ATG10: variants seen among roughly 807,000 people sequenced by gnomAD.
ATG10 encodes autophagy related 10.
Under a neutral mutation model 32.1 loss-of-function variants are expected in ATG10, and 30 were observed. The observed-to-expected ratio is 0.94, with a 90% confidence interval of 0.70 to 1.27. ATG10 has a LOEUF of 1.27. Ranked by LOEUF, ATG10 falls within the 50% of genes most tolerant of loss-of-function variation. ATG10 has a pLI of 0.00. For synonymous variants in ATG10, 87 were observed against 91.5 expected (o/e 0.95, Z 0.28); for missense variants, 233 against 262.3 (o/e 0.89, Z 0.77).
chr5:81,979,019 C>A (rs190822432), intron 1 of ATG10, among the ~76,000 whole-genome samples: 74 of 152,132 alleles, frequency 4.9e-4, no homozygotes, highest in Admixed American at 1.4e-3. Flanking sequence ...CCTGCCTCAG[C>A]CTCTGGAGTA....
At chr5:82,070,097 G>C (rs527194) in intron 3 of ATG10, among the ~76,000 whole-genome samples, 4 of 152,196 alleles carry the variant, frequency 2.6e-5, no homozygotes. Context: ...CCTTAGGATA[G>C]AGATTACATG....
At chr5:81,993,364 T>TTTCTTTCCTTCCTTC (rs374179266) in intron 2 of ATG10, among the ~76,000 whole-genome samples, 1 of 34,144 alleles carries the variant, frequency 2.9e-5, no homozygotes, top group Admixed American at 2.5e-4. Flanking sequence ...TCTTTCCTTC[T>TTTCTTTCCTTCCTTC]TTTCTTTTCT....
intron 5 of ATG10, among the ~76,000 whole-genome samples, chr5:82,214,409 T>C (rs1745598800): frequency 6.6e-6 from 1 of 152,202 alleles, no homozygotes; most frequent in South Asian, 2.1e-4. Flanking sequence ...AGGAATAATT[T>C]AGTAGCAGCA....
At chr5:82,042,636 T>TG (rs1763120284) in intron 2 of ATG10, among the ~76,000 whole-genome samples, 1 of 152,184 alleles carries the variant, frequency 6.6e-6, no homozygotes, top group South Asian at 2.1e-4. Flanking sequence ...TAAGATGCAA[T>TG]GGGTATACAG....
chr5:82,101,265 T>A (rs1161007519), intron 3 of ATG10, among the ~76,000 whole-genome samples: 1 of 152,188 alleles, frequency 6.6e-6, no homozygotes. Flanking sequence ...TATGATTATT[T>A]CCATCCTCAA....
At chr5:82,215,228 C>T (rs1745630775) in intron 5 of ATG10, among the ~76,000 whole-genome samples, 1 of 152,054 alleles carries the variant, frequency 6.6e-6, no homozygotes, top group African/African-American at 2.4e-5. Context: ...GTGGGCTTCT[C>T]CATAGAACGT....
Position 82,217,514 on chromosome 5 carries a change from T to C in ATG10, c.454-35048T>C, listed in dbSNP as rs1437773481. On this transcript the variant is annotated intron_variant, in intron 5 of 7. Coordinates refer to ENST00000282185, the MANE Select transcript of ATG10 (RefSeq NM_031482.5). ...ATATATCCTGTCATATATATGTGTATGTGTCAGAAGCTATTTTTTGCCACA... is the reference window on the plus strand; with the variant it reads ...ATATATCCTGTCATATATATGTGTACGTGTCAGAAGCTATTTTTTGCCACA... Among the ~76,000 whole-genome samples the C allele has an allele frequency of 5.9e-5, 9 of 152,274 alleles. No individual in the cohort carries two copies. In the South Asian group the frequency reaches 1.9e-3, roughly 32 times the overall value.
intron 3 of ATG10, among the ~76,000 whole-genome samples, chr5:82,101,525 G>C (rs1435808603): frequency 1.3e-5 from 2 of 152,170 alleles, no homozygotes; most frequent in African/African-American, 2.4e-5. Flanking sequence ...AGGGAAGAAG[G>C]AGGACAATGG....
chr5:82,016,896 T>C (rs2149701543), intron 2 of ATG10, among the ~76,000 whole-genome samples: 1 of 152,206 alleles, frequency 6.6e-6, no homozygotes, highest in South Asian at 2.1e-4. Flanking sequence ...TTCACCGTGT[T>C]AGCCAGGATG....
chr5:82,157,749 A>C (rs1235711922), intron 3 of ATG10, among the ~76,000 whole-genome samples: 1 of 152,198 alleles, frequency 6.6e-6, no homozygotes, highest in Admixed American at 6.5e-5. Context: ...TGAAGAGTAT[A>C]TTACATCGCA....
intron 5 of ATG10, among the ~76,000 whole-genome samples, chr5:82,201,464 G>C (rs1745066557): frequency 6.6e-6 from 1 of 152,048 alleles, no homozygotes; most frequent in Non-Finnish European, 1.5e-5. Flanking sequence ...GACCATATTT[G>C]AGTGGGTCTA....
At chr5:82,020,308 T>C (rs570436575) in intron 2 of ATG10, among the ~76,000 whole-genome samples, 13 of 152,330 alleles carry the variant, frequency 8.5e-5, no homozygotes, top group Admixed American at 6.5e-4. Flanking sequence ...GGGCTTCAAA[T>C]TGATTTTGAG....
intron 5 of ATG10, among the ~76,000 whole-genome samples, chr5:82,224,466 AG>A (rs1323844006): frequency 6.6e-6 from 1 of 152,206 alleles, no homozygotes; most frequent in Non-Finnish European, 1.5e-5. Context: ...CTAAGAAGCA[AG>A]GGAGTAGTTA....
At chr5:82,214,381 A>G (rs1304729112) in intron 5 of ATG10, among the ~76,000 whole-genome samples, 1 of 152,216 alleles carries the variant, frequency 6.6e-6, no homozygotes, top group Non-Finnish European at 1.5e-5. Flanking sequence ...TAAATGTATG[A>G]TATTTTGTAA....
chr5:82,179,808 GT>G (rs1162996432), intron 5 of ATG10, among the ~76,000 whole-genome samples: 1 of 152,014 alleles, frequency 6.6e-6, no homozygotes, highest in Non-Finnish European at 1.5e-5. Context: ...CATAATGACA[GT>G]TTACCTCCCA....
chr5:82,188,232 C>T (rs1337561964), intron 5 of ATG10, among the ~76,000 whole-genome samples: 2 of 152,146 alleles, frequency 1.3e-5, no homozygotes, highest in African/African-American at 4.8e-5. Context: ...TATTTCACTA[C>T]ATAATAAAAA....
intron 3 of ATG10, among the ~76,000 whole-genome samples, chr5:82,152,228 T>A (rs547729125): frequency 6.6e-6 from 1 of 152,230 alleles, no homozygotes; most frequent in African/African-American, 2.4e-5. Flanking sequence ...GGGTTCTTTA[T>A]GAAGAGAAAG....
chr5:82,238,364 T>G (rs1226476275), intron 5 of ATG10, among the ~76,000 whole-genome samples: 1 of 63,130 alleles, frequency 1.6e-5, no homozygotes, highest in Non-Finnish European at 2.9e-5. Context: ...CCCTAACCAC[T>G]GCCCAGCCAT....
intron 3 of ATG10, among the ~76,000 whole-genome samples, chr5:82,069,333 A>G (rs1270548500): frequency 6.6e-6 from 1 of 152,176 alleles, no homozygotes; most frequent in Non-Finnish European, 1.5e-5. Context: ...AAGACTAACC[A>G]TTGCATAGAG....
Sources: allele counts gnomAD v4.1 joint callset (sites outside exome capture counted in the v4.1 genomes callset), GRCh38; gene constraint gnomAD v4.1.1; transcripts MANE v1.5; gene names NCBI Gene and HGNC (gene_info 2026-07-23, HGNC 2026-07-21).